VGLL3: variants seen among roughly 807,000 people sequenced by gnomAD.
VGLL3 encodes the protein vestigial like family member 3.
In VGLL3, 18 loss-of-function variants were observed where a neutral mutation model predicts 29.2. The observed-to-expected ratio is 0.62, with a 90% CI of 0.43 to 0.91. VGLL3 has a LOEUF of 0.91. Ranked by LOEUF, VGLL3 falls within the 40% of genes least tolerant of loss-of-function variation. The probability of loss-of-function intolerance (pLI) is 0.00; values close to 1 mark genes in which losing one functional copy is unlikely to be tolerated. For synonymous variants in VGLL3, 180 were observed against 151.8 expected (o/e 1.19, Z -1.36); for missense variants, 440 against 413.2 (o/e 1.06, Z -0.56).
intron 3 of VGLL3, among the ~76,000 whole-genome samples, chr3:86,966,809 A>AGTGTG (rs1479530735): frequency 1.6e-5 from 2 of 125,232 alleles, no homozygotes; most frequent in African/African-American, 6.1e-5. Flanking sequence ...ATATATATAT[A>AGTGTG]TATATATATA....
chr3:86,951,490 G>T (rs1297795546), intron 3 of VGLL3, among the ~76,000 whole-genome samples: 3 of 152,118 alleles, frequency 2.0e-5, no homozygotes, highest in Non-Finnish European at 4.4e-5. Flanking sequence ...GTACCTGGGG[G>T]CTAAGATTTC....
rs147837192 is a variant in VGLL3, at chr3:86,947,090, A to G, written c.938-23T>C. On this transcript the variant is annotated intron_variant, in intron 3 of 3. Transcript: ENST00000398399. Reference sequence around the variant, plus strand: ...GACCTGGAACAAATGACAATGGGGAAAAAATAAAGAACATTAATACATATG... The same window carrying G: ...GACCTGGAACAAATGACAATGGGGAGAAAATAAAGAACATTAATACATATG... The G allele has an allele frequency of 1.5e-4, 117 of 780,318 alleles. 1 individual carries two copies. In the Middle Eastern group the frequency reaches 1.6e-3, roughly 11 times the overall value. 48.3% of individuals were successfully genotyped at this position (780,318 alleles called of 1,614,324 possible).
intron 1 of VGLL3, among the ~76,000 whole-genome samples, chr3:86,988,968 C>T (rs1335367114): frequency 2.0e-5 from 3 of 151,716 alleles, no homozygotes; most frequent in African/African-American, 4.8e-5. Flanking sequence ...ATTTGGGGAC[C>T]GAGTCTCAGG....
At chr3:86,980,097 A>G (rs576364075) in intron 1 of VGLL3, among the ~76,000 whole-genome samples, 27 of 151,510 alleles carry the variant, frequency 1.8e-4, no homozygotes, top group African/African-American at 6.3e-4. Flanking sequence ...TGTCATCTTT[A>G]TGTCTGCAAA....
chr3:86,964,732 G>C (rs1229031638), intron 3 of VGLL3, among the ~76,000 whole-genome samples: 2 of 152,154 alleles, frequency 1.3e-5, no homozygotes, highest in African/African-American at 2.4e-5. Flanking sequence ...AAATCTTTTA[G>C]AACCTTGATC....
rs1215315733 is a variant in VGLL3, at chr3:86,938,538, C to A, written c.*8486G>T. 2 of 152,764 alleles carry A rather than the reference C, an allele frequency of 1.3e-5. No homozygotes were observed. The highest frequency in any genetic ancestry group is 6.8e-3 in the Middle Eastern group (2 of 294). 9.5% of individuals were successfully genotyped at this position (152,764 alleles called of 1,614,324 possible). ...CTATATTTGGCTCTCTGCAAATAGT[C>A]TCTTGTACAAGTGCAAAGCAAAGAT... On this transcript the variant is annotated 3_prime_UTR_variant, in exon 4 of 4. Transcript: ENST00000398399.
chr3:86,990,250 T>C (rs1705550251), intron 1 of VGLL3: 1 of 949,810 alleles, frequency 1.1e-6, no homozygotes, highest in Admixed American at 6.2e-5. Context: ...CCTGAAACAT[T>C]CCATCTTTCC....
In VGLL3 at chr3:86,943,126, G is replaced by A. The variant is rs1396320782; in HGVS notation, c.*3898C>T. On this transcript the variant is annotated 3_prime_UTR_variant, in exon 4 of 4. Transcript: ENST00000398399. ...AGCCCCAAACCACACATAAACTTTTGGCTAAACTAGAATTTAGAGAATGGC... is the reference window on the plus strand; with the variant it reads ...AGCCCCAAACCACACATAAACTTTTAGCTAAACTAGAATTTAGAGAATGGC... The A allele has an allele frequency of 6.6e-6, 1 of 151,976 alleles. No homozygotes were observed. The highest frequency in any genetic ancestry group is 2.4e-5 in the African/African-American group (1 of 41,370). 9.4% of individuals were successfully genotyped at this position (151,976 alleles called of 1,614,324 possible).
chr3:86,954,025 T>G (rs1575861341), intron 3 of VGLL3, among the ~76,000 whole-genome samples: 1 of 152,220 alleles, frequency 6.6e-6, no homozygotes, highest in East Asian at 1.9e-4. Flanking sequence ...TTACAAAAGA[T>G]ACCTAGCATG....
At chr3:86,981,326 C>T (rs996898843) in intron 1 of VGLL3, among the ~76,000 whole-genome samples, 1 of 151,798 alleles carries the variant, frequency 6.6e-6, no homozygotes, top group Admixed American at 6.6e-5. Flanking sequence ...CTTTTCCTAC[C>T]AATTTTTCAA....
rs541576626 is a variant in VGLL3 at position 86,980,190 on chromosome 3, A to C, written c.127-1388T>G. Among the ~76,000 whole-genome samples, 14 of 152,040 alleles carry C rather than the reference A, an allele frequency of 9.2e-5. No homozygotes were observed. The South Asian group carries it at 2.9e-3, about 32-fold the overall frequency. ...AAAATGAATGTGAGTAGAAATAGAT[A>C]AATCACTCCAGAATACCCAGTAATT... On this transcript the variant is annotated intron_variant, in intron 1 of 3. Coordinates refer to ENST00000398399, the MANE Select transcript of VGLL3 (RefSeq NM_016206.4).
At position 86,961,088 on chromosome 3, in the gene VGLL3, C is replaced by T. The variant is rs567108048; in HGVS notation, c.937+7502G>A. Among the ~76,000 whole-genome samples the T allele has an allele frequency of 5.3e-5, 8 of 151,682 alleles. 1 individual carries two copies. The East Asian group carries it at 1.5e-3, about 29-fold the overall frequency. On this transcript the variant is annotated intron_variant, in intron 3 of 3. Transcript: ENST00000398399. Reference sequence around the variant, plus strand: ...CTGTATATTGCATTGTTGTGACATTCATCAAAGTAAAAATAGATATTTATA... The same window carrying T: ...CTGTATATTGCATTGTTGTGACATTTATCAAAGTAAAAATAGATATTTATA...
At chr3:86,957,244 T>G (rs1704744009) in intron 3 of VGLL3, among the ~76,000 whole-genome samples, 1 of 152,212 alleles carries the variant, frequency 6.6e-6, no homozygotes, top group African/African-American at 2.4e-5. Context: ...TAGTTTTCAC[T>G]GCACGGCCAA....
intron 1 of VGLL3, among the ~76,000 whole-genome samples, chr3:86,982,088 C>T (rs775253661): frequency 1.3e-5 from 2 of 152,136 alleles, no homozygotes; most frequent in African/African-American, 4.8e-5. Context: ...GACTCTGGTG[C>T]CTCAACTACT....
chr3:86,955,725 G>A (rs1379067789), intron 3 of VGLL3, among the ~76,000 whole-genome samples: 2 of 151,998 alleles, frequency 1.3e-5, no homozygotes, highest in South Asian at 2.1e-4. Flanking sequence ...ACAGAAGCTC[G>A]CTCTCTGACA....
intron 2 of VGLL3, among the ~76,000 whole-genome samples, chr3:86,976,400 C>G (rs1705212012): frequency 6.6e-6 from 1 of 152,174 alleles, no homozygotes; most frequent in African/African-American, 2.4e-5. Context: ...TTTCCTGTTT[C>G]TACCCTAAAA....
intron 1 of VGLL3, among the ~76,000 whole-genome samples, chr3:86,988,085 C>A (rs989581136): frequency 6.6e-6 from 1 of 152,076 alleles, no homozygotes; most frequent in Non-Finnish European, 1.5e-5. Flanking sequence ...GACTTCAGAG[C>A]CATACAGTTT....
At chr3:86,955,381 T>C (rs1223113076) in intron 3 of VGLL3, among the ~76,000 whole-genome samples, 1 of 124,274 alleles carries the variant, frequency 8.0e-6, no homozygotes, top group Non-Finnish European at 1.6e-5. Context: ...TCTCTCTCTC[T>C]TTTTTTTTTT....
chr3:86,988,578 T>A (rs1705500297), intron 1 of VGLL3, among the ~76,000 whole-genome samples: 2 of 136,976 alleles, frequency 1.5e-5, no homozygotes, highest in South Asian at 4.6e-4. Flanking sequence ...GTAGTTACAC[T>A]GTCAAGTCTT....
Sources: allele counts gnomAD v4.1 joint callset (sites outside exome capture counted in the v4.1 genomes callset), GRCh38; gene constraint gnomAD v4.1.1; transcripts MANE v1.5; gene names NCBI Gene and HGNC (gene_info 2026-07-23, HGNC 2026-07-21).